Variants in STAC observed in about 807,000 individuals in gnomAD.
STAC encodes the protein SH3 and cysteine rich domain.
STAC carries 43 observed loss-of-function variants against 48.8 expected under a neutral mutation model. The observed-to-expected ratio is 0.88, with a 90% CI of 0.69 to 1.14. The LOEUF is 1.14. STAC is among the 50% of genes most tolerant of loss of function. The pLI, the probability that STAC is intolerant of heterozygous loss-of-function variation, is 0.00. For missense variants in STAC, 497 were observed against 504.0 expected, an observed-to-expected ratio of 0.99 and a Z score of 0.13; for synonymous variants, 193 against 179.5, an observed-to-expected ratio of 1.07 and a Z score of -0.60.
intron 2 of STAC, among the ~76,000 whole-genome samples, chr3:36,446,817 A>G (rs992667445): frequency 1.4e-4 from 22 of 152,250 alleles, no homozygotes; most frequent in Non-Finnish European, 2.9e-5. Flanking sequence ...AGCATATTAA[A>G]TGGAGTCGTA....
At chr3:36,457,107 A>G (rs1696874998) in intron 2 of STAC, among the ~76,000 whole-genome samples, 1 of 152,212 alleles carries the variant, frequency 6.6e-6, no homozygotes, top group Non-Finnish European at 1.5e-5. Flanking sequence ...ACTTTGTCTC[A>G]TTGGATTCAT....
chr3:36,431,424 A>C (rs187505906), intron 1 of STAC, among the ~76,000 whole-genome samples: 2 of 152,308 alleles, frequency 1.3e-5, no homozygotes, highest in South Asian at 2.1e-4. Flanking sequence ...ACAGCTTGGC[A>C]TGACTCCTAC....
intron 1 of STAC, among the ~76,000 whole-genome samples, chr3:36,415,604 G>A (rs1307342226): frequency 6.6e-6 from 1 of 152,168 alleles, no homozygotes; most frequent in African/African-American, 2.4e-5. Flanking sequence ...CTCACCGTTG[G>A]TGCACTGCAC....
chr3:36,535,054 T>C (rs1699166401), intron 10 of STAC, among the ~76,000 whole-genome samples: 1 of 152,198 alleles, frequency 6.6e-6, no homozygotes, highest in African/African-American at 2.4e-5. Flanking sequence ...ATCTATAAAT[T>C]ACTTTGGGGA....
chr3:36,382,897 C>T (rs1245492187), intron 1 of STAC, among the ~76,000 whole-genome samples: 2 of 152,216 alleles, frequency 1.3e-5, no homozygotes, highest in Non-Finnish European at 2.9e-5. Flanking sequence ...TTCCATCTTA[C>T]TCTTCCATGA....
chr3:36,453,518 G>C (rs1696753789), intron 2 of STAC, among the ~76,000 whole-genome samples: 2 of 152,200 alleles, frequency 1.3e-5, no homozygotes, highest in African/African-American at 4.8e-5. Context: ...AATTTCTCGC[G>C]GGGCCTTAGC....
intron 3 of STAC, 68 bp downstream of exon 3, chr3:36,483,160 CA>C: frequency 8.2e-7 from 1 of 1,219,054 alleles, no homozygotes; most frequent in East Asian, 2.4e-5. Context: ...GCAGTGAGAT[CA>C]CCCCCTCCAA....
At chr3:36,481,204 C>T (rs1247623761) in intron 2 of STAC, among the ~76,000 whole-genome samples, 4 of 152,124 alleles carry the variant, frequency 2.6e-5, no homozygotes. Context: ...TATAAGAAGA[C>T]CACATGGCTA....
At chr3:36,426,938 A>G (rs1700579344) in intron 1 of STAC, among the ~76,000 whole-genome samples, 1 of 152,190 alleles carries the variant, frequency 6.6e-6, no homozygotes, top group African/African-American at 2.4e-5. Context: ...TAAAAATCCA[A>G]CCCATCTAAA....
chr3:36,486,486 C>T (rs946831431), intron 5 of STAC, among the ~76,000 whole-genome samples: 13 of 152,194 alleles, frequency 8.5e-5, no homozygotes, highest in African/African-American at 2.9e-4. Flanking sequence ...TGGCCTCATG[C>T]TCCTTGACCC....
intron 5 of STAC, among the ~76,000 whole-genome samples, chr3:36,488,972 C>T (rs1697892234): frequency 6.6e-6 from 1 of 152,126 alleles, no homozygotes. Flanking sequence ...CCCTGAACTC[C>T]CCAAGCCCTA....
intron 5 of STAC, among the ~76,000 whole-genome samples, chr3:36,489,038 C>A (rs1243363202): frequency 1.3e-5 from 2 of 152,064 alleles, no homozygotes; most frequent in East Asian, 1.9e-4. Flanking sequence ...TTTTTAAGAC[C>A]CACTCTATTT....
chr3:36,444,968 G>A (rs1696468024), intron 2 of STAC, among the ~76,000 whole-genome samples: 1 of 152,138 alleles, frequency 6.6e-6, no homozygotes, highest in African/African-American at 2.4e-5. Flanking sequence ...CTTAGTTTCT[G>A]TGCCTGCCTG....
At chr3:36,416,165 T>C (rs140741355) in intron 1 of STAC, among the ~76,000 whole-genome samples, 2,487 of 152,304 alleles carry the variant, frequency 0.016, 29 homozygotes, top group African/African-American at 0.029. Context: ...TTGGAAAGAA[T>C]TGACTTACTA....
intron 1 of STAC, among the ~76,000 whole-genome samples, chr3:36,413,006 G>C (rs972921143): frequency 6.6e-6 from 1 of 152,132 alleles, no homozygotes; most frequent in African/African-American, 2.4e-5. Flanking sequence ...TCTTAATCCT[G>C]AGTTCTAGTT....
chr3:36,478,400 A>G lies in STAC; in HGVS notation c.389-4592A>G, dbSNP rs554760499. Reference sequence around the variant, plus strand: ...AAATTGCCTTTTTTACTTCCTAAACATTTCATGTATCTATAATTATTTTTT... The same window carrying G: ...AAATTGCCTTTTTTACTTCCTAAACGTTTCATGTATCTATAATTATTTTTT... On this transcript the variant is annotated intron_variant, in intron 2 of 10. Coordinates refer to ENST00000273183, the MANE Select transcript of STAC (RefSeq NM_003149.3). 2.2e-4 allele frequency among the ~76,000 whole-genome samples: 33 copies of G among 152,234 alleles called. No individual in the cohort carries two copies. The South Asian group carries it at 6.2e-3, about 29-fold the overall frequency.
chr3:36,431,681 A>G (rs1700708909), intron 1 of STAC, among the ~76,000 whole-genome samples: 1 of 152,170 alleles, frequency 6.6e-6, no homozygotes, highest in Admixed American at 6.5e-5. Flanking sequence ...GAGGAGGAAA[A>G]AAAGGGAGAG....
intron 2 of STAC, among the ~76,000 whole-genome samples, chr3:36,466,765 C>T (rs1327821076): frequency 6.6e-6 from 1 of 152,074 alleles, no homozygotes; most frequent in East Asian, 1.9e-4. Context: ...TTAGGGTTTT[C>T]TAGGTATAGG....
intron 1 of STAC, among the ~76,000 whole-genome samples, chr3:36,432,287 C>T (rs1337173306): frequency 2.0e-5 from 3 of 152,256 alleles, no homozygotes; most frequent in Non-Finnish European, 4.4e-5. Context: ...TACACTCACA[C>T]TGCTGGAGAC....
Sources: gnomAD v4.1 joint callset for allele counts (sites outside exome capture counted in the v4.1 genomes callset) on GRCh38, gnomAD v4.1.1 for gene constraint, MANE v1.5 for transcripts, NCBI Gene and HGNC (gene_info 2026-07-23, HGNC 2026-07-21) for gene names.